IL1RAPL1: variants seen among roughly 807,000 people sequenced by gnomAD.
IL1RAPL1 encodes the protein interleukin 1 receptor accessory protein like 1.
IL1RAPL1 carries 3 observed loss-of-function variants against 48.4 expected under a neutral mutation model. That is an observed-to-expected ratio of 0.06 (90% confidence interval 0.03 to 0.16). The LOEUF is 0.16. Among genes scored for constraint, IL1RAPL1 ranks in the 10% least tolerant of loss-of-function variants. The probability of loss-of-function intolerance (pLI) is 1.00; values close to 1 mark genes in which losing one functional copy is unlikely to be tolerated. For missense variants in IL1RAPL1, 349 were observed against 530.6 expected, an observed-to-expected ratio of 0.66 and a Z score of 3.36; for synonymous variants, 185 against 187.7, an observed-to-expected ratio of 0.99 and a Z score of 0.12.
chrX:29,932,724 AG>A (rs1932967410), intron 8 of IL1RAPL1, among the ~76,000 whole-genome samples: 1 of 111,958 alleles, frequency 8.9e-6, no homozygotes, highest in Non-Finnish European at 1.9e-5. Context: ...CTTATATAAA[AG>A]GGGTCTAGCA....
intron 6 of IL1RAPL1, among the ~76,000 whole-genome samples, chrX:29,706,335 A>G (rs746008532): frequency 2.7e-5 from 3 of 111,422 alleles, no homozygotes; most frequent in Non-Finnish European, 5.7e-5. Context: ...CAGTCCCCCA[A>G]AGTCTTAACT....
chrX:29,149,868 G>T (rs906811388), intron 2 of IL1RAPL1, among the ~76,000 whole-genome samples: 1 of 111,726 alleles, frequency 9.0e-6, no homozygotes, highest in Non-Finnish European at 1.9e-5. Context: ...AAAACACATG[G>T]CTTGGCATCA....
intron 2 of IL1RAPL1, among the ~76,000 whole-genome samples, chrX:29,263,839 CTCTCTCTT>C (rs1233407859): frequency 1.4e-5 from 1 of 73,940 alleles, no homozygotes; most frequent in African/African-American, 4.9e-5. Flanking sequence ...CATTCTCTCT[CTCTCTCTT>C]TCTCTCTCTC....
chrX:29,488,272 TA>T (rs2147751654), intron 5 of IL1RAPL1, among the ~76,000 whole-genome samples: 1 of 111,718 alleles, frequency 9.0e-6, no homozygotes, highest in Non-Finnish European at 1.9e-5. Context: ...ACCCCGTCTC[TA>T]CTAAAAATAC....
intron 2 of IL1RAPL1, among the ~76,000 whole-genome samples, chrX:29,219,771 AC>A (rs911121009): frequency 2.7e-5 from 3 of 110,977 alleles, no homozygotes; most frequent in African/African-American, 9.8e-5. Context: ...TTATCATGAG[AC>A]CTTTCATGAT....
intron 6 of IL1RAPL1, among the ~76,000 whole-genome samples, chrX:29,756,552 A>C (rs1335696961): frequency 9.1e-6 from 1 of 109,643 alleles, no homozygotes; most frequent in Non-Finnish European, 1.9e-5. Context: ...AGCTGGGATT[A>C]CAGGCGCCCA....
At chrX:28,770,327 T>C (rs1290720246) in intron 1 of IL1RAPL1, among the ~76,000 whole-genome samples, 1 of 111,062 alleles carries the variant, frequency 9.0e-6, no homozygotes, top group Non-Finnish European at 1.9e-5. Flanking sequence ...AGTACATGGC[T>C]TTAAAAGAGG....
chrX:28,659,339 G>A, intron 1 of IL1RAPL1: 1 of 553,634 alleles, frequency 1.8e-6, no homozygotes, highest in Admixed American at 2.3e-5. Flanking sequence ...CACAGTACCA[G>A]GCCTGTAACG....
chrX:29,622,919 T>C (rs1284708931), intron 5 of IL1RAPL1, among the ~76,000 whole-genome samples: 7 of 110,605 alleles, frequency 6.3e-5, no homozygotes, highest in Non-Finnish European at 1.3e-4. Flanking sequence ...ATTAGCTCTT[T>C]GAGTGAGTAT....
intron 2 of IL1RAPL1, among the ~76,000 whole-genome samples, chrX:29,115,662 A>G (rs1245904577): frequency 9.1e-6 from 1 of 110,169 alleles, no homozygotes; most frequent in Non-Finnish European, 1.9e-5. Context: ...GATTTAAAAA[A>G]TCTGTAACTC....
Position 29,954,532 on chromosome X carries a change from T to C in IL1RAPL1, c.1212T>C (p.Asp404=). Residue 404 remains aspartate (D), a synonymous_variant, in exon 10 of 11, where the codon GAT becomes GAC. Coordinates refer to ENST00000378993, the MANE Select transcript of IL1RAPL1 (RefSeq NM_014271.4). ...GGAATTTTTTGACAGACAATAAAGA[T>C]TATGATGCATACTTATCATACACCA... ...GAEELDGDNK[D]YDAYLSYTKV... is the part of the protein sequence containing the mutation. 1.7e-6 allele frequency: 2 copies of C among 1,208,476 alleles called. No individual in the cohort carries two copies. The highest frequency in any genetic ancestry group is 2.2e-6 in the Non-Finnish European group (2 of 892,518).
rs1276912410 is a variant in IL1RAPL1 at position 28,843,423 on chromosome X, A to G, written c.82+53998A>G. Among the ~76,000 whole-genome samples the G allele has an allele frequency of 2.7e-5, 3 of 111,774 alleles. No homozygotes were observed. In the East Asian group the frequency reaches 8.5e-4, roughly 32 times the overall value. ...TGAGCTGAACGTAAAAGATAGGTGA[A>G]TCTACAAAGAAAATGCCCCAGGTAC... On this transcript the variant is annotated intron_variant, in intron 2 of 10. Coordinates refer to ENST00000378993, the MANE Select transcript of IL1RAPL1 (RefSeq NM_014271.4).
At chrX:28,642,348 A>G (rs184119242) in intron 1 of IL1RAPL1, among the ~76,000 whole-genome samples, 231 of 112,089 alleles carry the variant, frequency 2.1e-3, no homozygotes, top group African/African-American at 7.1e-3. Context: ...ACCCAAATCA[A>G]CAGAATATAC....
intron 5 of IL1RAPL1, among the ~76,000 whole-genome samples, chrX:29,647,763 GA>G (rs1272457106): frequency 9.0e-6 from 1 of 111,469 alleles, no homozygotes; most frequent in Non-Finnish European, 1.9e-5. Flanking sequence ...AAAACAGCTC[GA>G]AAACAGTGAA....
At chrX:29,694,649 A>G (rs1420703602) in intron 6 of IL1RAPL1, among the ~76,000 whole-genome samples, 1 of 111,544 alleles carries the variant, frequency 9.0e-6, no homozygotes, top group Non-Finnish European at 1.9e-5. Context: ...GCTCATAAAC[A>G]GTGCCTTCTT....
At chrX:29,491,573 A>T (rs1935159827) in intron 5 of IL1RAPL1, among the ~76,000 whole-genome samples, 1 of 112,425 alleles carries the variant, frequency 8.9e-6, no homozygotes, top group South Asian at 3.6e-4. Context: ...TTACACAGGT[A>T]ATGTCTCTAT....
At chrX:29,440,431 C>G (rs1380601968) in intron 5 of IL1RAPL1, among the ~76,000 whole-genome samples, 1 of 111,190 alleles carries the variant, frequency 9.0e-6, no homozygotes, top group African/African-American at 3.3e-5. Context: ...AAGAATTGAC[C>G]TGGAGCCACC....
intron 3 of IL1RAPL1, among the ~76,000 whole-genome samples, chrX:29,388,106 CAAAAAA>C (rs71862742): frequency 7.7e-5 from 4 of 51,716 alleles, no homozygotes; most frequent in Admixed American, 3.0e-4. Context: ...AAGGTTAAGC[CAAAAAA>C]AAAAAAAAAA....
chrX:29,033,240 T>G (rs183721995), intron 2 of IL1RAPL1, among the ~76,000 whole-genome samples: 495 of 111,566 alleles, frequency 4.4e-3, no homozygotes, highest in Non-Finnish European at 6.7e-3. Context: ...TGAAGGACTT[T>G]GCCGTTTATA....
Sources: gnomAD v4.1 joint callset for allele counts (sites outside exome capture counted in the v4.1 genomes callset) on GRCh38, gnomAD v4.1.1 for gene constraint, MANE v1.5 for transcripts, NCBI Gene and HGNC (gene_info 2026-07-23, HGNC 2026-07-21) for gene names.